WWOX: variants seen among roughly 807,000 people sequenced by gnomAD.
WWOX encodes the protein WW domain-containing oxidoreductase.
WWOX carries 69 observed loss-of-function variants against 46.2 expected under a neutral mutation model. That is an observed-to-expected ratio of 1.49 (90% CI 1.23 to 1.82). The LOEUF (loss-of-function observed/expected upper bound fraction) is 1.82. Ranked by LOEUF, WWOX falls within the 40% of genes most tolerant of loss-of-function variation. WWOX has a pLI of 0.00. For missense variants in WWOX, 919 were observed against 542.6 expected (o/e 1.69, Z -6.89); for synonymous variants, 359 against 202.6 (o/e 1.77, Z -6.56).
At chr16:78,291,587 T>C (rs926896675) in intron 5 of WWOX, among the ~76,000 whole-genome samples, 5 of 152,184 alleles carry the variant, frequency 3.3e-5, no homozygotes, top group Non-Finnish European at 7.3e-5. Context: ...GTTTTAGAAG[T>C]TGACCATGAA....
chr16:78,640,388 G>C (rs1038734910), intron 8 of WWOX, among the ~76,000 whole-genome samples: 3 of 151,972 alleles, frequency 2.0e-5, no homozygotes, highest in African/African-American at 7.3e-5. Flanking sequence ...TAGAATCCTG[G>C]TGTTCAGAAT....
intron 5 of WWOX, among the ~76,000 whole-genome samples, chr16:78,311,760 C>T (rs11646025): frequency 0.054 from 7,809 of 145,166 alleles, 458 homozygotes; most frequent in African/African-American, 0.15. Flanking sequence ...CATTACTTAA[C>T]GTAATAATTA....
intron 5 of WWOX, among the ~76,000 whole-genome samples, chr16:78,373,821 A>C (rs912847188): frequency 9.2e-5 from 14 of 152,150 alleles, no homozygotes; most frequent in Admixed American, 7.9e-4. Context: ...ACAGAGTCTC[A>C]GTGTCACCCA....
chr16:78,817,340 G>C (rs59989928), intron 8 of WWOX, among the ~76,000 whole-genome samples: 1 of 152,012 alleles, frequency 6.6e-6, no homozygotes, highest in African/African-American at 2.4e-5. Flanking sequence ...ATTAATTTTA[G>C]AAGAAACCAG....
chr16:78,294,694 A>G (rs1204468137), intron 5 of WWOX, among the ~76,000 whole-genome samples: 1 of 120,590 alleles, frequency 8.3e-6, no homozygotes, highest in Non-Finnish European at 1.9e-5. Context: ...ATAGTTGGAT[A>G]TAGCCTTATG....
intron 8 of WWOX, among the ~76,000 whole-genome samples, chr16:78,992,354 C>G (rs892596659): frequency 3.9e-5 from 6 of 152,042 alleles, no homozygotes; most frequent in African/African-American, 1.4e-4. Context: ...GCAATCCCAG[C>G]TACTCTGGAG....
At chr16:78,244,787 T>C (rs1452346583) in intron 5 of WWOX, among the ~76,000 whole-genome samples, 1 of 152,146 alleles carries the variant, frequency 6.6e-6, no homozygotes, top group Non-Finnish European at 1.5e-5. Context: ...CCTTATCCAG[T>C]GAATTCTCAT....
Position 78,115,268 on chromosome 16 carries a change from C to T in WWOX, c.409+114C>T, listed in dbSNP as rs569237250. ...CTCTGATTTAAACATGACTTTTATC[C>T]TTTTCAGATATCGTTTCATTAACAT... On this transcript the variant is annotated intron_variant, in intron 4 of 8. Coordinates refer to ENST00000566780, the MANE Select transcript of WWOX (RefSeq NM_016373.4). 208 of 1,272,516 alleles carry T rather than the reference C, an allele frequency of 1.6e-4. 1 individual carries two copies. The African/African-American group carries it at 2.8e-3, about 17-fold the overall frequency. 78.8% of individuals were successfully genotyped at this position (1,272,516 alleles called of 1,614,324 possible).
intron 8 of WWOX, among the ~76,000 whole-genome samples, chr16:79,074,333 A>G (rs2150571131): frequency 6.6e-6 from 1 of 150,454 alleles, no homozygotes; most frequent in South Asian, 2.1e-4. Context: ...TAAATGAGAG[A>G]AGTAAACATC....
chr16:78,292,997 A>G (rs976285300), intron 5 of WWOX, among the ~76,000 whole-genome samples: 3 of 152,094 alleles, frequency 2.0e-5, no homozygotes, highest in African/African-American at 4.8e-5. Context: ...AAAAGTCACC[A>G]TTTCTTGTTG....
intron 8 of WWOX, among the ~76,000 whole-genome samples, chr16:78,469,563 G>A (rs2084171021): frequency 6.6e-6 from 1 of 152,176 alleles, no homozygotes; most frequent in Admixed American, 6.5e-5. Context: ...GTGCAGAAGG[G>A]CTTTTGGATA....
intron 8 of WWOX, chr16:78,825,483 T>A (rs986289688): frequency 2.2e-6 from 1 of 452,330 alleles, no homozygotes; most frequent in Non-Finnish European, 4.4e-6. Context: ...GATTCTGGAA[T>A]TGACTGCTGT....
intron 8 of WWOX, among the ~76,000 whole-genome samples, chr16:78,972,639 C>T (rs768937851): frequency 1.6e-4 from 25 of 152,096 alleles, no homozygotes; most frequent in Non-Finnish European, 1.3e-4. Flanking sequence ...CACATCCCAC[C>T]CTCTGTTTCT....
At chr16:78,774,674 A>C (rs113826228) in intron 8 of WWOX, among the ~76,000 whole-genome samples, 3 of 151,800 alleles carry the variant, frequency 2.0e-5, no homozygotes, top group African/African-American at 7.3e-5. Flanking sequence ...TCCTTGAAAG[A>C]CTCATTGTCT....
intron 8 of WWOX, among the ~76,000 whole-genome samples, chr16:78,561,923 A>G (rs868064459): frequency 2.0e-4 from 30 of 152,134 alleles, no homozygotes; most frequent in African/African-American, 6.0e-4. Flanking sequence ...TAACGTCTCT[A>G]TCTAATTTCC....
intron 8 of WWOX, among the ~76,000 whole-genome samples, chr16:78,819,446 C>G (rs868696352): frequency 2.0e-5 from 3 of 152,174 alleles, no homozygotes; most frequent in African/African-American, 7.2e-5. Flanking sequence ...ATGACAATGA[C>G]CCAACAACCT....
chr16:79,050,775 C>T (rs900189653), intron 8 of WWOX, among the ~76,000 whole-genome samples: 12 of 152,176 alleles, frequency 7.9e-5, no homozygotes, highest in Admixed American at 5.2e-4. Context: ...TAGGGTGGGT[C>T]GAACCTGTTG....
intron 8 of WWOX, among the ~76,000 whole-genome samples, chr16:78,939,137 G>T (rs745707123): frequency 9.2e-5 from 14 of 152,302 alleles, no homozygotes; most frequent in Non-Finnish European, 1.5e-4. Flanking sequence ...ACTTGGGCTC[G>T]AAGTCACGTC....
At chr16:78,554,991 A>G (rs2044257130) in intron 8 of WWOX, among the ~76,000 whole-genome samples, 1 of 152,150 alleles carries the variant, frequency 6.6e-6, no homozygotes, top group South Asian at 2.1e-4. Context: ...GGCCCGGATA[A>G]ACCAGCAGGG....
Sources: gnomAD v4.1 joint callset for allele counts (sites outside exome capture counted in the v4.1 genomes callset) on GRCh38, gnomAD v4.1.1 for gene constraint, MANE v1.5 for transcripts, NCBI Gene and HGNC (gene_info 2026-07-23, HGNC 2026-07-21) for gene names.